ATG16L1: variants seen among roughly 807,000 people sequenced by gnomAD.
ATG16L1 encodes autophagy related 16 like 1.
ATG16L1 carries 37 observed loss-of-function variants against 88.5 expected under a neutral mutation model. The observed-to-expected ratio is 0.42, with a 90% CI of 0.32 to 0.55. ATG16L1 has a LOEUF of 0.55. ATG16L1 is among the 20% of genes least tolerant of loss of function. The probability of loss-of-function intolerance (pLI) is 0.13; values close to 1 mark genes in which losing one functional copy is unlikely to be tolerated. For missense variants in ATG16L1, 554 were observed against 752.8 expected (o/e 0.74, Z 3.09); for synonymous variants, 301 against 281.0 (o/e 1.07, Z -0.71).
chr2:233,289,760 T>G, intron 12 of ATG16L1, 94 bp from the exon 13 acceptor site: 2 of 1,530,714 alleles, frequency 1.3e-6, no homozygotes, highest in Admixed American at 3.4e-5. Flanking sequence ...GGTCTGACAC[T>G]CTGACTCTGG....
At chr2:233,288,416 C>T (rs574465086) in intron 12 of ATG16L1, among the ~76,000 whole-genome samples, 1 of 152,204 alleles carries the variant, frequency 6.6e-6, no homozygotes, top group East Asian at 1.9e-4. Flanking sequence ...CCTGTAACAG[C>T]TGAGACTATA....
At chr2:233,262,657 A>G (rs769787885) in intron 2 of ATG16L1, among the ~76,000 whole-genome samples, 18 of 151,844 alleles carry the variant, frequency 1.2e-4, no homozygotes, top group Non-Finnish European at 2.5e-4. Flanking sequence ...CGTAGGAGAA[A>G]CCCTCCTCAA....
chr2:233,291,684 G>GGGCACAGA (rs1268947402), intron 14 of ATG16L1, among the ~76,000 whole-genome samples: 1 of 152,130 alleles, frequency 6.6e-6, no homozygotes, highest in Non-Finnish European at 1.5e-5. Flanking sequence ...GGAGGTGGAG[G>GGGCACAGA]GCCACAGAGC....
At chr2:233,277,757 C>A (rs1698472144) in intron 10 of ATG16L1, 84 bp downstream of exon 10, 4 of 1,235,284 alleles carry the variant, frequency 3.2e-6, no homozygotes, top group African/African-American at 1.5e-5. Context: ...TTGCTGGCAT[C>A]TGGTTGACCT....
At chr2:233,256,773 C>CA (rs1696811641) in intron 2 of ATG16L1, among the ~76,000 whole-genome samples, 1 of 151,746 alleles carries the variant, frequency 6.6e-6, no homozygotes, top group African/African-American at 2.4e-5. Flanking sequence ...CAGCTCACTG[C>CA]AACCTGCAAC....
chr2:233,271,509 TTCA>T (rs1697986143), intron 6 of ATG16L1, among the ~76,000 whole-genome samples: 1 of 152,202 alleles, frequency 6.6e-6, no homozygotes, highest in Non-Finnish European at 1.5e-5. Flanking sequence ...AACTCCTGAC[TTCA>T]GGTGATCTGC....
At chr2:233,289,814 G>A (rs1699341464) in intron 12 of ATG16L1, 40 bp from the exon 13 acceptor site, 1 of 1,603,274 alleles carries the variant, frequency 6.2e-7, no homozygotes, top group African/African-American at 1.3e-5. Context: ...GGCAGGGCCT[G>A]GCGCCCTGAG....
rs989650308 is a variant in ATG16L1, at chr2:233,273,142, G to A, written c.794+90G>A. 2.8e-6 allele frequency: 3 copies of A among 1,071,838 alleles called. No homozygotes were observed. The African/African-American group carries it at 4.7e-5, about 17-fold the overall frequency. 66.4% of individuals were successfully genotyped at this position (1,071,838 alleles called of 1,614,324 possible). A position where few individuals can be genotyped will look rare whatever the true frequency, so the allele number is the denominator to read the frequency against. On this transcript the variant is annotated intron_variant, in intron 7 of 17. Coordinates refer to ENST00000392017, the MANE Select transcript of ATG16L1 (RefSeq NM_030803.7). ...GACATGACAAAGAATGCAGTCAGATGCACCCAACCCCTTACCCCTTTTCTG... is the reference window on the plus strand; with the variant it reads ...GACATGACAAAGAATGCAGTCAGATACACCCAACCCCTTACCCCTTTTCTG...
chr2:233,271,905 C>T (rs1415747042), intron 6 of ATG16L1, among the ~76,000 whole-genome samples: 2 of 152,168 alleles, frequency 1.3e-5, no homozygotes, highest in South Asian at 2.1e-4. Flanking sequence ...GCCTTTTATT[C>T]CCTTCTACAT....
At chr2:233,253,332 G>GTTTTTTTTTTTTTTT (rs570754671) in intron 1 of ATG16L1, among the ~76,000 whole-genome samples, 1 of 112,890 alleles carries the variant, frequency 8.9e-6, no homozygotes. Context: ...GTGAGACTGG[G>GTTTTTTTTTTTTTTT]TTTTTTTGTT....
chr2:233,285,542 G>A (rs1699017784), intron 12 of ATG16L1, among the ~76,000 whole-genome samples: 1 of 152,224 alleles, frequency 6.6e-6, no homozygotes, highest in African/African-American at 2.4e-5. Context: ...TGCTGGGGCA[G>A]GAGCCTCCTG....
chr2:233,264,076 A>AC lies in ATG16L1; in HGVS notation c.389+15dup. On this transcript the variant is annotated intron_variant, in intron 4 of 17. Coordinates refer to ENST00000392017, the MANE Select transcript of ATG16L1 (RefSeq NM_030803.7). Reference sequence around the variant, plus strand: ...GATGAATGAAGCAAAGTGAGTAGAGACCCCGCCTCCTTGGAGCCTGGTCAT... The same window carrying AC: ...GATGAATGAAGCAAAGTGAGTAGAGACCCCCGCCTCCTTGGAGCCTGGTCAT... The AC allele has an allele frequency of 6.2e-7, 1 of 1,613,676 alleles. No homozygotes were observed. The highest frequency in any genetic ancestry group is 1.7e-5 in the Admixed American group (1 of 60,010).
At chr2:233,263,447 G>GC (rs1338712937) in intron 3 of ATG16L1, among the ~76,000 whole-genome samples, 1 of 152,178 alleles carries the variant, frequency 6.6e-6, no homozygotes, top group African/African-American at 2.4e-5. Flanking sequence ...TCCTGTGAGA[G>GC]CGCTGCCAGT....
chr2:233,253,993 G>GA (rs1318556515), intron 1 of ATG16L1, among the ~76,000 whole-genome samples: 1 of 152,174 alleles, frequency 6.6e-6, no homozygotes, highest in African/African-American at 2.4e-5. Flanking sequence ...CTTACTTTCT[G>GA]AGTCTGTTTT....
At chr2:233,251,993 G>A in intron 1 of ATG16L1, 51 bp downstream of exon 1, 3 of 1,424,878 alleles carry the variant, frequency 2.1e-6, no homozygotes, top group Non-Finnish European at 2.8e-6. Context: ...CCCCGCGGAG[G>A]CATGCGGGGC....
intron 10 of ATG16L1, among the ~76,000 whole-genome samples, chr2:233,278,432 C>A (rs1001555364): frequency 6.6e-6 from 1 of 152,218 alleles, no homozygotes; most frequent in Non-Finnish European, 1.5e-5. Flanking sequence ...GCGACACACA[C>A]ATTATCCCTG....
chr2:233,264,545 A>G (rs1255534066), intron 4 of ATG16L1, among the ~76,000 whole-genome samples: 1 of 152,108 alleles, frequency 6.6e-6, no homozygotes, highest in Non-Finnish European at 1.5e-5. Flanking sequence ...AATATGTGGA[A>G]AGGGGTCTAG....
In ATG16L1 at chr2:233,263,163, G is replaced by T. The variant is rs776269085; in HGVS notation, c.243G>T (p.Gln81His). The change falls in exon 3 of 18, where the codon CAG becomes CAT. Residue 81 changes from glutamine (Q) to histidine (H), a missense_variant. By Grantham distance (24) the Gln-to-His change is conservative. Coordinates refer to ENST00000392017, the MANE Select transcript of ATG16L1 (RefSeq NM_030803.7). ...PGHDGTWNDNQLQEMAQLRIK... is the reference protein window; with the variant it reads ...PGHDGTWNDNHLQEMAQLRIK... ...ATGATGGCACATGGAATGACAATCA[G>T]CTACAAGAAATGGCCCAACTGAGGA... 9 of 1,614,098 alleles carry T rather than the reference G, an allele frequency of 5.6e-6. No individual in the cohort carries two copies. In the South Asian group the frequency reaches 7.7e-5, roughly 14 times the overall value.
intron 10 of ATG16L1, among the ~76,000 whole-genome samples, chr2:233,279,755 C>G (rs1250817116): frequency 6.6e-6 from 1 of 152,066 alleles, no homozygotes; most frequent in Admixed American, 6.5e-5. Context: ...ATAGCACCCC[C>G]CGCCCCCAAC....
Sources: gnomAD v4.1 joint callset for allele counts (sites outside exome capture counted in the v4.1 genomes callset) on GRCh38, gnomAD v4.1.1 for gene constraint, MANE v1.5 for transcripts, NCBI Gene and HGNC (gene_info 2026-07-23, HGNC 2026-07-21) for gene names.